TEX26: variants seen among roughly 807,000 people sequenced by gnomAD.
TEX26 encodes the protein testis expressed 26.
Under a neutral mutation model 35.3 loss-of-function variants are expected in TEX26, and 34 were observed. The ratio of observed to expected loss-of-function variants is 0.96; its 90% CI spans 0.73 to 1.28. TEX26 has a LOEUF of 1.28. Ranked by LOEUF, TEX26 falls within the 50% of genes most tolerant of loss-of-function variation. TEX26 has a pLI of 0.00. For missense variants in TEX26, 371 were observed against 330.1 expected, an observed-to-expected ratio of 1.12 and a Z score of -0.96; for synonymous variants, 136 against 111.8, an observed-to-expected ratio of 1.22 and a Z score of -1.36.
At chr13:30,941,012 T>C (rs1004366855) in intron 2 of TEX26, among the ~76,000 whole-genome samples, 8 of 152,190 alleles carry the variant, frequency 5.3e-5, no homozygotes, top group Non-Finnish European at 1.0e-4. Flanking sequence ...GGTAAGACCA[T>C]GGCTATGGAG....
At chr13:30,956,842 A>T in intron 3 of TEX26, 31 bp from the exon 4 acceptor site, 1 of 1,603,648 alleles carries the variant, frequency 6.2e-7, no homozygotes, top group Non-Finnish European at 8.5e-7. Context: ...ACCCATATGG[A>T]TTTTCTTGAA....
chr13:30,934,910 GC>G (rs1348777917), intron 1 of TEX26, among the ~76,000 whole-genome samples: 1 of 152,216 alleles, frequency 6.6e-6, no homozygotes, highest in Non-Finnish European at 1.5e-5. Context: ...GCAGACCTGG[GC>G]CTTTCACTCC....
At chr13:30,960,388 A>G (rs1954291145) in intron 4 of TEX26, among the ~76,000 whole-genome samples, 1 of 152,114 alleles carries the variant, frequency 6.6e-6, no homozygotes. Context: ...GACTGCAGGC[A>G]TGCACCACCA....
chr13:30,973,312 G>A (rs1472726190), intron 6 of TEX26: 1 of 152,154 alleles, frequency 6.6e-6, no homozygotes, highest in African/African-American at 2.4e-5. Context: ...TTTATTTGAA[G>A]GTCTACAACT....
At chr13:30,960,254 T>C (rs1046412311) in intron 4 of TEX26, among the ~76,000 whole-genome samples, 10 of 152,208 alleles carry the variant, frequency 6.6e-5, no homozygotes, top group Admixed American at 1.3e-4. Flanking sequence ...TTTGTCTGTT[T>C]GTTTGTTTTT....
chr13:30,942,778 A>G (rs949160229), intron 2 of TEX26, among the ~76,000 whole-genome samples: 4 of 152,150 alleles, frequency 2.6e-5, no homozygotes, highest in Admixed American at 2.6e-4. Flanking sequence ...GCTTTGTCAA[A>G]GATCACTTCA....
At chr13:30,964,541 A>G (rs751598124) in intron 4 of TEX26, among the ~76,000 whole-genome samples, 3 of 152,254 alleles carry the variant, frequency 2.0e-5, no homozygotes, top group Non-Finnish European at 2.9e-5. Flanking sequence ...AGATATAGAT[A>G]AAAGCATCAA....
intron 4 of TEX26, among the ~76,000 whole-genome samples, chr13:30,960,560 T>C (rs1954299075): frequency 6.6e-6 from 1 of 152,216 alleles, no homozygotes; most frequent in African/African-American, 2.4e-5. Flanking sequence ...CTTCTTTACT[T>C]TTTAATCTAG....
intron 3 of TEX26, among the ~76,000 whole-genome samples, chr13:30,955,275 G>A (rs558672139): frequency 6.6e-6 from 1 of 152,348 alleles, no homozygotes; most frequent in East Asian, 1.9e-4. Flanking sequence ...CCACAGGTTG[G>A]ACAAGCTTGA....
intron 3 of TEX26, among the ~76,000 whole-genome samples, chr13:30,953,214 C>A (rs1953997746): frequency 6.6e-6 from 1 of 152,162 alleles, no homozygotes; most frequent in Non-Finnish European, 1.5e-5. Flanking sequence ...GACTCCACTC[C>A]CCACCGTCTG....
chr13:30,948,658 A>G (rs1160448141), intron 2 of TEX26, among the ~76,000 whole-genome samples: 2 of 152,130 alleles, frequency 1.3e-5, no homozygotes, highest in African/African-American at 4.8e-5. Context: ...TCAGATGAGT[A>G]GGTTGCTAAA....
chr13:30,974,131 A>AAAAAAAATAT, intron 6 of TEX26, among the ~76,000 whole-genome samples: 1,016 of 84,318 alleles, frequency 0.012, 37 homozygotes, highest in African/African-American at 0.042. Context: ...AAAAAAAAAA[A>AAAAAAAATAT]ATATATATAT....
At chr13:30,950,670 G>T (rs1277498225) in intron 2 of TEX26, among the ~76,000 whole-genome samples, 1 of 152,142 alleles carries the variant, frequency 6.6e-6, no homozygotes, top group East Asian at 1.9e-4. Context: ...TAAATTCAGA[G>T]CCTCCCCACA....
intron 3 of TEX26, among the ~76,000 whole-genome samples, chr13:30,955,692 T>C (rs1381892617): frequency 1.3e-5 from 2 of 152,204 alleles, no homozygotes; most frequent in Non-Finnish European, 2.9e-5. Flanking sequence ...CAGATGGCAA[T>C]GATCCAGCAG....
Position 30,974,950 on chromosome 13 carries a change from G to T in TEX26, c.*43G>T. ...AATGAAGAAAATCTGAAAATCAATG[G>T]AAGCACGAGGACATTCCTAGTCATT... On this transcript the variant is annotated 3_prime_UTR_variant, in exon 7 of 7. Coordinates refer to ENST00000380473, the MANE Select transcript of TEX26 (RefSeq NM_152325.3). The T allele has an allele frequency of 7.5e-7, 1 of 1,325,164 alleles. No individual in the cohort carries two copies. The allele number at this position is 1,325,164 out of a possible 1,614,324, so 82.1% of individuals were successfully genotyped here.
intron 2 of TEX26, among the ~76,000 whole-genome samples, chr13:30,949,529 A>G (rs74046405): frequency 9.7e-4 from 147 of 152,230 alleles, no homozygotes; most frequent in African/African-American, 3.1e-3. Context: ...AAAATAAATT[A>G]TGGAATGCAT....
chr13:30,949,476 T>C (rs1953841328), intron 2 of TEX26, among the ~76,000 whole-genome samples: 1 of 152,062 alleles, frequency 6.6e-6, no homozygotes, highest in Non-Finnish European at 1.5e-5. Flanking sequence ...TCAATCCAAA[T>C]AAATGTTAAT....
At chr13:30,952,095 A>T (rs1593568002) in intron 2 of TEX26, among the ~76,000 whole-genome samples, 1 of 135,542 alleles carries the variant, frequency 7.4e-6, no homozygotes, top group South Asian at 2.3e-4. Flanking sequence ...ATTTCCTGTA[A>T]TCCAACATTC....
chr13:30,950,938 G>A lies in TEX26; in HGVS notation c.147-1722G>A, dbSNP rs535070774. ...ATCAGGCAAGGGGTAAAGGAAGAAA[G>A]AACCCACATACATTTGCAGGTTTGT... On this transcript the variant is annotated intron_variant, in intron 2 of 6. Transcript: ENST00000380473. Among the ~76,000 whole-genome samples the A allele has an allele frequency of 7.2e-5, 11 of 152,362 alleles. No individual in the cohort carries two copies. In the South Asian group the frequency reaches 1.5e-3, roughly 20 times the overall value.
Sources: gnomAD v4.1 joint callset for allele counts (sites outside exome capture counted in the v4.1 genomes callset) on GRCh38, gnomAD v4.1.1 for gene constraint, MANE v1.5 for transcripts, NCBI Gene and HGNC (gene_info 2026-07-23, HGNC 2026-07-21) for gene names.